CDK19: variants seen among roughly 807,000 people sequenced by gnomAD.
CDK19 encodes cyclin dependent kinase 19, also known as cyclin-dependent kinase 19.
A neutral mutation model predicts 68.3 loss-of-function variants in CDK19; 20 were observed. The ratio of observed to expected loss-of-function variants is 0.29; its 90% confidence interval spans 0.21 to 0.43. The LOEUF (loss-of-function observed/expected upper bound fraction) is 0.43, where lower values mean the gene tolerates loss of function less well. CDK19 is among the 20% of genes least tolerant of loss of function. The pLI, the probability that CDK19 is intolerant of heterozygous loss-of-function variation, is 1.00. For synonymous variants in CDK19, 221 were observed against 222.8 expected, an observed-to-expected ratio of 0.99 and a Z score of 0.07; for missense variants, 339 against 623.5, an observed-to-expected ratio of 0.54 and a Z score of 4.86.
intron 5 of CDK19, 34 bp from the exon 6 acceptor site, chr6:110,632,195 G>C (rs746563829): frequency 1.3e-6 from 2 of 1,527,582 alleles, no homozygotes; most frequent in Non-Finnish European, 1.8e-6. Context: ...ATAAAATTCA[G>C]TTTGATTGTT....
In CDK19 at chr6:110,611,214, C is replaced by A. The variant is rs553285064; in HGVS notation, c.*3321G>T. On this transcript the variant is annotated 3_prime_UTR_variant, in exon 13 of 13. Transcript: ENST00000368911. ...CTTGAATTCCTTTCACAAACACACA[C>A]CTCCCCAGAAAGCTAACTCTGAAAC... 2 of 152,418 alleles carry A rather than the reference C, an allele frequency of 1.3e-5. No individual in the cohort carries two copies. Among genetic ancestry groups the A allele is most frequent in the East Asian group, 3.9e-4 (2 of 5,192 alleles). The allele number at this position is 152,418 out of a possible 1,614,324, so 9.4% of individuals were successfully genotyped here.
At chr6:110,716,871 C>G (rs966220717) in intron 2 of CDK19, among the ~76,000 whole-genome samples, 1 of 152,102 alleles carries the variant, frequency 6.6e-6, no homozygotes, top group Non-Finnish European at 1.5e-5. Context: ...CAGTGGCTCA[C>G]GCCTAAAATC....
chr6:110,769,518 T>C (rs985201419), intron 1 of CDK19, among the ~76,000 whole-genome samples: 2 of 149,638 alleles, frequency 1.3e-5, no homozygotes, highest in Admixed American at 6.7e-5. Flanking sequence ...TGAGCTGAGA[T>C]GGCACCACTG....
intron 4 of CDK19, among the ~76,000 whole-genome samples, chr6:110,657,059 A>C (rs1781349775): frequency 6.6e-6 from 1 of 152,218 alleles, no homozygotes; most frequent in Admixed American, 6.5e-5. Context: ...AGAAATTAAG[A>C]ATGTCAGAGA....
At chr6:110,687,242 G>A (rs1772569210) in intron 2 of CDK19, among the ~76,000 whole-genome samples, 1 of 152,016 alleles carries the variant, frequency 6.6e-6, no homozygotes, top group Admixed American at 6.5e-5. Flanking sequence ...TCAGGACATT[G>A]GGCATTATCA....
At chr6:110,811,444 G>A (rs1246319396) in intron 1 of CDK19, among the ~76,000 whole-genome samples, 12 of 152,132 alleles carry the variant, frequency 7.9e-5, no homozygotes, top group Admixed American at 7.2e-4. Context: ...AGAAGAGACG[G>A]GGTTTCGTCT....
At chr6:110,676,904 G>C (rs968510797) in intron 2 of CDK19, among the ~76,000 whole-genome samples, 2 of 152,152 alleles carry the variant, frequency 1.3e-5, no homozygotes, top group African/African-American at 4.8e-5. Context: ...GCCTGTGTAA[G>C]AGGGAAGAGT....
rs1255395108 is a variant in CDK19 at position 110,622,035 on chromosome 6, T to C, written c.1110+53A>G. ...GAATTATGGAACGATACCTAAACTA[T>C]CTTTTTGCCTCCCTTGCTCTTTGGA... On this transcript the variant is annotated intron_variant, in intron 11 of 12. Transcript: ENST00000368911. The C allele has an allele frequency of 4.8e-6, 5 of 1,031,222 alleles. No homozygotes were observed. In the African/African-American group the frequency reaches 8.1e-5, roughly 17 times the overall value. 63.9% of individuals were successfully genotyped at this position (1,031,222 alleles called of 1,614,324 possible).
intron 2 of CDK19, among the ~76,000 whole-genome samples, chr6:110,692,655 T>C (rs975791131): frequency 6.6e-6 from 1 of 152,138 alleles, no homozygotes; most frequent in Non-Finnish European, 1.5e-5. Flanking sequence ...GAAAATTCAT[T>C]GCAAAAAGGT....
At chr6:110,810,174 C>CT (rs1289670754) in intron 1 of CDK19, among the ~76,000 whole-genome samples, 1 of 152,134 alleles carries the variant, frequency 6.6e-6, no homozygotes, top group Non-Finnish European at 1.5e-5. Context: ...GGTATAAAGA[C>CT]TACAGACTTC....
At chr6:110,689,581 C>T (rs759594847) in intron 2 of CDK19, among the ~76,000 whole-genome samples, 40 of 152,250 alleles carry the variant, frequency 2.6e-4, no homozygotes, top group Admixed American at 1.9e-3. Flanking sequence ...GCCTGTACCA[C>T]TCTGCCTAAC....
intron 4 of CDK19, among the ~76,000 whole-genome samples, chr6:110,641,741 C>T (rs1780202194): frequency 6.6e-6 from 1 of 151,742 alleles, no homozygotes; most frequent in Admixed American, 6.6e-5. Flanking sequence ...AGAAAAATTG[C>T]ATGGAATGAA....
chr6:110,797,009 C>CAA (rs61247667), intron 1 of CDK19, among the ~76,000 whole-genome samples: 21 of 111,896 alleles, frequency 1.9e-4, no homozygotes, highest in African/African-American at 6.3e-4. Flanking sequence ...AACTCCATCT[C>CAA]AAAAAAAAAA....
chr6:110,775,347 G>A (rs887506889), intron 1 of CDK19, among the ~76,000 whole-genome samples: 2 of 152,174 alleles, frequency 1.3e-5, no homozygotes, highest in Non-Finnish European at 2.9e-5. Context: ...TCTCTTCTTA[G>A]AACCAGAAAT....
intron 2 of CDK19, among the ~76,000 whole-genome samples, chr6:110,743,325 A>G (rs1360848808): frequency 6.6e-6 from 1 of 152,120 alleles, no homozygotes; most frequent in Non-Finnish European, 1.5e-5. Context: ...CTAAAGTTCT[A>G]TTAGGCAAAC....
intron 2 of CDK19, among the ~76,000 whole-genome samples, chr6:110,725,804 T>G (rs1776276030): frequency 1.3e-5 from 2 of 152,206 alleles, no homozygotes; most frequent in African/African-American, 4.8e-5. Context: ...AAATGTTGAC[T>G]TAATACAAAT....
rs189728037 is a variant in CDK19 at position 110,656,206 on chromosome 6, G to A, written c.456+11228C>T. Among the ~76,000 whole-genome samples the A allele has an allele frequency of 2.9e-4, 44 of 152,236 alleles. 1 individual carries two copies. Among genetic ancestry groups the A allele is most frequent in the African/African-American group, 9.6e-4 (40 of 41,540 alleles). ...GTTGGCTCTTCCCCACCATGTACTC[G>A]TTGGGGGAAGGGATCGTATTCATTA... On this transcript the variant is annotated intron_variant, in intron 4 of 12. Coordinates refer to ENST00000368911, the MANE Select transcript of CDK19 (RefSeq NM_015076.5).
chr6:110,670,424 T>C lies in CDK19; in HGVS notation c.315+7A>G. 1 of 1,488,988 alleles carries C rather than the reference T, an allele frequency of 6.7e-7. No individual in the cohort carries two copies. The highest frequency in any genetic ancestry group is 9.4e-7 in the Non-Finnish European group (1 of 1,065,860). 92.2% of individuals were successfully genotyped at this position (1,488,988 alleles called of 1,614,324 possible). ...CAATCCTAGAAATACAGTGAGATTATACTTACCCACAAGTCATGCTCTGCA... is the reference window on the plus strand; with the variant it reads ...CAATCCTAGAAATACAGTGAGATTACACTTACCCACAAGTCATGCTCTGCA... On this transcript the variant is annotated splice_region_variant and intron_variant, in intron 3 of 12. Transcript: ENST00000368911.
intron 4 of CDK19, among the ~76,000 whole-genome samples, chr6:110,654,352 G>C (rs916344617): frequency 1.3e-5 from 2 of 152,046 alleles, no homozygotes; most frequent in African/African-American, 4.8e-5. Flanking sequence ...TTTGCTAATA[G>C]CATTAGTCTA....
Sources: allele counts gnomAD v4.1 joint callset (sites outside exome capture counted in the v4.1 genomes callset), GRCh38; gene constraint gnomAD v4.1.1; transcripts MANE v1.5; gene names NCBI Gene and HGNC (gene_info 2026-07-23, HGNC 2026-07-21).